MIER1: variants seen among roughly 807,000 people sequenced by gnomAD.
MIER1 encodes mesoderm induction early response protein 1.
In MIER1, 40 loss-of-function variants were observed where a neutral mutation model predicts 75.7. That is an observed-to-expected ratio of 0.53 (90% CI 0.41 to 0.69). The LOEUF (loss-of-function observed/expected upper bound fraction) is 0.69, where lower values mean the gene tolerates loss of function less well. MIER1 is among the 30% of genes least tolerant of loss of function. The pLI is 0.00. For missense variants in MIER1, 574 were observed against 680.2 expected, an observed-to-expected ratio of 0.84 and a Z score of 1.74; for synonymous variants, 213 against 223.4, an observed-to-expected ratio of 0.95 and a Z score of 0.42.
chr1:66,938,570 G>T (rs1655464037), intron 2 of MIER1, among the ~76,000 whole-genome samples: 1 of 152,148 alleles, frequency 6.6e-6, no homozygotes, highest in Non-Finnish European at 1.5e-5. Flanking sequence ...TTTTGAACCA[G>T]AAATGTGTAG....
At chr1:66,971,858 C>T (rs975640002) in intron 10 of MIER1, 122 bp downstream of exon 10, 2 of 529,096 alleles carry the variant, frequency 3.8e-6, no homozygotes, top group African/African-American at 2.0e-5. Flanking sequence ...TAAATATTTA[C>T]AAAATACCAA....
chr1:66,968,315 G>T (rs185673451), intron 8 of MIER1, among the ~76,000 whole-genome samples: 5 of 152,252 alleles, frequency 3.3e-5, no homozygotes, highest in Admixed American at 2.0e-4. Flanking sequence ...CCAAATTCTT[G>T]AAACTATTAG....
intron 2 of MIER1, among the ~76,000 whole-genome samples, chr1:66,929,390 G>A (rs1652555935): frequency 6.6e-6 from 1 of 152,210 alleles, no homozygotes; most frequent in African/African-American, 2.4e-5. Context: ...TGTCACCTTT[G>A]TGTTATTCAG....
In MIER1 at chr1:66,958,052, T is replaced by G. The variant is rs1402757148; in HGVS notation, c.340-7T>G. On this transcript the variant is annotated splice_polypyrimidine_tract_variant and splice_region_variant and intron_variant, in intron 4 of 13. Coordinates refer to ENST00000401041, the MANE Select transcript of MIER1 (RefSeq NM_001077700.3). ...TCAGAGATTACCTTTTATTTTGATT[T>G]ATTTAGGAAGGCGACATGCCAATTC... is the stretch of plus-strand genomic sequence containing the variant. 15 of 1,556,182 alleles carry G rather than the reference T, an allele frequency of 9.6e-6. No homozygotes were observed. Among genetic ancestry groups the G allele is most frequent in the Non-Finnish European group, 1.3e-5 (15 of 1,147,476 alleles).
intron 13 of MIER1, among the ~76,000 whole-genome samples, chr1:66,984,120 TAAAG>T (rs1036120132): frequency 4.6e-5 from 7 of 152,354 alleles, no homozygotes; most frequent in African/African-American, 1.7e-4. Context: ...TCAAGCTTTT[TAAAG>T]AAAGAGCATT....
At chr1:66,962,565 C>T (rs143549776) in intron 7 of MIER1, among the ~76,000 whole-genome samples, 2 of 152,188 alleles carry the variant, frequency 1.3e-5, no homozygotes, top group Non-Finnish European at 2.9e-5. Context: ...TGCCTGTAGT[C>T]CCAGCTACTC....
At chr1:66,951,418 T>C (rs1925413) in intron 4 of MIER1, among the ~76,000 whole-genome samples, 120,014 of 152,084 alleles carry the variant, frequency 0.79, 47,771 homozygotes, top group East Asian at 0.88. Context: ...CGTGAGCCAC[T>C]GAGTCTGGTC....
intron 4 of MIER1, among the ~76,000 whole-genome samples, chr1:66,950,660 ATG>A (rs1402597845): frequency 6.6e-6 from 1 of 151,652 alleles, no homozygotes; most frequent in African/African-American, 2.4e-5. Flanking sequence ...AATAATTAAA[ATG>A]TGTGATTAAA....
intron 12 of MIER1, 134 bp from the exon 13 acceptor site, chr1:66,981,645 G>A: frequency 1.5e-6 from 1 of 652,086 alleles, no homozygotes; most frequent in Non-Finnish European, 2.5e-6. Flanking sequence ...ATCCTGGTAT[G>A]ATAGATGAAG....
intron 12 of MIER1, among the ~76,000 whole-genome samples, chr1:66,981,389 C>T (rs966662552): frequency 6.6e-6 from 1 of 152,146 alleles, no homozygotes; most frequent in African/African-American, 2.4e-5. Context: ...TTTTAGGTAT[C>T]GCCTTTAGGA....
intron 4 of MIER1, among the ~76,000 whole-genome samples, chr1:66,948,492 T>A (rs1312034593): frequency 6.6e-6 from 1 of 152,232 alleles, no homozygotes; most frequent in Non-Finnish European, 1.5e-5. Flanking sequence ...GGCTTTGGGA[T>A]TAGATCATTT....
At chr1:66,955,148 A>G (rs969462833) in intron 4 of MIER1, among the ~76,000 whole-genome samples, 3 of 152,112 alleles carry the variant, frequency 2.0e-5, no homozygotes, top group Non-Finnish European at 4.4e-5. Flanking sequence ...TGTAGTTAGT[A>G]TGTCACCTAT....
At position 66,984,788 on chromosome 1, in the gene MIER1, C is replaced by T. The variant is rs758718152; in HGVS notation, c.1586C>T (p.Ala529Val). ...TTTGATGAAAAAAGTGAGAGACCTG[C>T]CAAAAGGCGAAGGGTAAACAGCAAT... ...NDFDEKSERP[A>V]KRRRVNSNGK... The change falls in exon 14 of 14, where the codon GCC becomes GTC. Residue 529 changes from alanine (A) to valine (V), a missense_variant. This residue lies in a region of MIER1 where 164 missense variants were observed against 154.3 expected (regional missense o/e 1.06). Coordinates refer to ENST00000401041, the MANE Select transcript of MIER1 (RefSeq NM_001077700.3). 1 of 1,613,968 alleles carries T rather than the reference C, an allele frequency of 6.2e-7. No individual in the cohort carries two copies. The highest frequency in any genetic ancestry group is 8.5e-7 in the Non-Finnish European group (1 of 1,179,924).
chr1:66,934,873 C>G (rs1654386112), intron 2 of MIER1, among the ~76,000 whole-genome samples: 1 of 152,058 alleles, frequency 6.6e-6, no homozygotes, highest in South Asian at 2.1e-4. Flanking sequence ...GGCACGGTAA[C>G]CATCTTTCAC....
chr1:66,948,222 TAATAA>T, intron 4 of MIER1: 2 of 938,594 alleles, frequency 2.1e-6, no homozygotes, highest in Non-Finnish European at 2.5e-6. Flanking sequence ...TGGTATGTTC[TAATAA>T]AATATATCAT....
intron 4 of MIER1, among the ~76,000 whole-genome samples, chr1:66,956,822 T>A (rs1312986689): frequency 6.6e-6 from 1 of 152,244 alleles, no homozygotes; most frequent in Non-Finnish European, 1.5e-5. Flanking sequence ...TTCTTCCTAG[T>A]TCTTCCTAAG....
Position 66,946,402 on chromosome 1 carries a change from T to C in MIER1, c.339+107T>C, listed in dbSNP as rs190412042. On this transcript the variant is annotated intron_variant, in intron 4 of 13. Transcript: ENST00000401041. Reference sequence around the variant, plus strand: ...TTAGGAGAGAAATTGTGTTATATATTAATGACTGAAAAATTTTGTGTGATC... The same window carrying C: ...TTAGGAGAGAAATTGTGTTATATATCAATGACTGAAAAATTTTGTGTGATC... 1.0e-4 allele frequency: 147 copies of C among 1,417,074 alleles called. 2 individuals carry two copies. In the Admixed American group the frequency reaches 4.0e-3, roughly 38 times the overall value. The allele number at this position is 1,417,074 out of a possible 1,614,324, so 87.8% of individuals were successfully genotyped here. A position where few individuals can be genotyped will look rare whatever the true frequency, so the allele number is the denominator to read the frequency against.
intron 1 of MIER1, 118 bp from the exon 2 acceptor site, chr1:66,926,024 A>G: frequency 2.7e-6 from 2 of 741,142 alleles, no homozygotes; most frequent in Non-Finnish European, 2.3e-6. Context: ...TAAAATTGTC[A>G]TGGGATCCTT....
intron 3 of MIER1, chr1:66,940,270 C>CTTT (rs35904130): frequency 5.7e-4 from 75 of 131,348 alleles, no homozygotes; most frequent in African/African-American, 8.9e-4. Context: ...TTTGGGTTTT[C>CTTT]TTTTTTTTTT....
Sources: gnomAD v4.1 joint callset for allele counts (sites outside exome capture counted in the v4.1 genomes callset) on GRCh38, gnomAD v4.1.1 for gene constraint, gnomAD v4.1.1 regional missense constraint, MANE v1.5 for transcripts, NCBI Gene and HGNC (gene_info 2026-07-23, HGNC 2026-07-21) for gene names.